Variants in GRID2 observed in about 807,000 individuals in gnomAD.
The protein encoded by GRID2 is glutamate ionotropic receptor delta type subunit 2.
GRID2 carries 33 observed loss-of-function variants against 114.8 expected under a neutral mutation model. The ratio of observed to expected loss-of-function variants is 0.29; its 90% CI spans 0.22 to 0.38. The LOEUF is 0.38. Among genes scored for constraint, GRID2 ranks in the 10% least tolerant of loss-of-function variants. The probability of loss-of-function intolerance (pLI) is 1.00; values close to 1 mark genes in which losing one functional copy is unlikely to be tolerated. For missense variants in GRID2, 1,184 were observed against 1,257.7 expected (o/e 0.94, Z 0.89); for synonymous variants, 505 against 449.9 (o/e 1.12, Z -1.55).
At chr4:92,969,871 C>A (rs752942315) in intron 2 of GRID2, among the ~76,000 whole-genome samples, 9 of 151,800 alleles carry the variant, frequency 5.9e-5, no homozygotes, top group Non-Finnish European at 1.3e-4. Flanking sequence ...GAAAGGATCA[C>A]AATAACAGTA....
At chr4:93,607,190 G>A (rs1740336495) in intron 13 of GRID2, among the ~76,000 whole-genome samples, 1 of 151,808 alleles carries the variant, frequency 6.6e-6, no homozygotes, top group Non-Finnish European at 1.5e-5. Flanking sequence ...GGAATACATA[G>A]TATTATTCCA....
At chr4:93,010,457 C>G (rs1443082841) in intron 2 of GRID2, among the ~76,000 whole-genome samples, 1 of 152,010 alleles carries the variant, frequency 6.6e-6, no homozygotes, top group Non-Finnish European at 1.5e-5. Context: ...AATGGAAGAG[C>G]TGCACTGGGG....
intron 4 of GRID2, among the ~76,000 whole-genome samples, chr4:93,177,059 T>C (rs1348210630): frequency 6.6e-6 from 1 of 152,180 alleles, no homozygotes; most frequent in East Asian, 1.9e-4. Context: ...GATGTATTTA[T>C]GGATCCAATT....
At chr4:93,703,270 GGTATATAGTAGGTGA>G (rs1478083183) in intron 14 of GRID2, among the ~76,000 whole-genome samples, 2 of 151,862 alleles carry the variant, frequency 1.3e-5, no homozygotes, top group Non-Finnish European at 2.9e-5. Flanking sequence ...AAATTTTGGG[GGTATATAGTAGGTGA>G]GTATATTTAT....
rs564747408 is a variant in GRID2 at position 92,935,807 on chromosome 4, T to G, written c.245-149188T>G. On this transcript the variant is annotated intron_variant, in intron 2 of 15. Transcript: ENST00000282020. ...AGGACAAAAAACCAAACACTGCATGTTCTCACTCATAGGTGGGAATTGAAT... is the reference window on the plus strand; with the variant it reads ...AGGACAAAAAACCAAACACTGCATGGTCTCACTCATAGGTGGGAATTGAAT... Among the ~76,000 whole-genome samples the G allele has an allele frequency of 1.3e-4, 19 of 144,270 alleles. 1 individual carries two copies. Among genetic ancestry groups the G allele is most frequent in the African/African-American group, 2.2e-4 (9 of 40,924 alleles). The allele number at this position is 144,270 out of a possible 152,430, so 94.6% of individuals were successfully genotyped here.
intron 1 of GRID2, among the ~76,000 whole-genome samples, chr4:92,548,384 A>G (rs1407111756): frequency 9.9e-6 from 1 of 101,442 alleles, no homozygotes; most frequent in African/African-American, 4.8e-5. Context: ...CTATGAAGAC[A>G]TTTCTGAGAC....
chr4:92,655,934 G>T (rs1043508700), intron 2 of GRID2, among the ~76,000 whole-genome samples: 1 of 151,546 alleles, frequency 6.6e-6, no homozygotes, highest in African/African-American at 2.4e-5. Context: ...AGACATCCTT[G>T]TCTTGTTCAA....
intron 1 of GRID2, among the ~76,000 whole-genome samples, chr4:92,367,828 A>G (rs2110212604): frequency 6.6e-6 from 1 of 152,216 alleles, no homozygotes; most frequent in South Asian, 2.1e-4. Context: ...TACTTCAGCT[A>G]CTCTGATCTC....
chr4:93,297,224 G>A (rs1253609026), intron 8 of GRID2, among the ~76,000 whole-genome samples: 2 of 152,156 alleles, frequency 1.3e-5, no homozygotes, highest in Non-Finnish European at 1.5e-5. Flanking sequence ...GGCATCAAGA[G>A]CAGTACGTGA....
In GRID2 at chr4:93,634,518, A is replaced by G. The variant is rs190298680; in HGVS notation, c.2360+8083A>G. Among the ~76,000 whole-genome samples, 12 of 152,292 alleles carry G rather than the reference A, an allele frequency of 7.9e-5. No homozygotes were observed. The South Asian group carries it at 1.0e-3, about 13-fold the overall frequency. ...GCCACAACTCTGTGCATTGCATTTC[A>G]TAAATTTGAGGAAACTGAGCCTCAG... On this transcript the variant is annotated intron_variant, in intron 14 of 15. Transcript: ENST00000282020.
intron 14 of GRID2, among the ~76,000 whole-genome samples, chr4:93,654,314 G>A (rs116397341): frequency 0.014 from 2,096 of 152,248 alleles, 38 homozygotes; most frequent in Middle Eastern, 0.017. Flanking sequence ...AAAACACTTT[G>A]CAGAGTGCAT....
rs183076893 is a variant in GRID2, at chr4:93,325,916, G to A, written c.1246-69691G>A. Among the ~76,000 whole-genome samples, 268 of 152,212 alleles carry A rather than the reference G, an allele frequency of 1.8e-3. 2 individuals are homozygous for A. The highest frequency in any genetic ancestry group is 6.0e-3 in the African/African-American group (249 of 41,544). The stretch of plus-strand genomic sequence containing the variant: ...TTTGTGGATTTATTTGAGGCCTGAA[G>A]TTGAAGTGAGTTCTCAAGAGATACA... On this transcript the variant is annotated intron_variant, in intron 8 of 15. Coordinates refer to ENST00000282020, the MANE Select transcript of GRID2 (RefSeq NM_001510.4).
intron 2 of GRID2, among the ~76,000 whole-genome samples, chr4:92,794,068 G>T (rs1739725969): frequency 6.6e-6 from 1 of 151,820 alleles, no homozygotes. Flanking sequence ...AGCAAGAGGA[G>T]TAAAAAGTAA....
chr4:92,932,409 A>G (rs1750312452), intron 2 of GRID2, among the ~76,000 whole-genome samples: 1 of 151,230 alleles, frequency 6.6e-6, no homozygotes, highest in South Asian at 2.1e-4. Context: ...TAACAATACC[A>G]AAATTTGGCA....
chr4:92,887,894 A>G (rs1746486581), intron 2 of GRID2, among the ~76,000 whole-genome samples: 1 of 152,126 alleles, frequency 6.6e-6, no homozygotes, highest in African/African-American at 2.4e-5. Context: ...GTCCTCTTTT[A>G]TACCATGTTC....
At chr4:93,567,620 T>C (rs1426252706) in intron 13 of GRID2, among the ~76,000 whole-genome samples, 2 of 152,202 alleles carry the variant, frequency 1.3e-5, no homozygotes, top group Non-Finnish European at 2.9e-5. Flanking sequence ...ATATGTGTGT[T>C]GTGTTGGGAA....
chr4:93,317,840 A>C (rs886817648), intron 8 of GRID2, among the ~76,000 whole-genome samples: 8 of 151,338 alleles, frequency 5.3e-5, no homozygotes, highest in African/African-American at 1.9e-4. Context: ...AAGAGAGGTT[A>C]TGTGTCTGTT....
At chr4:92,748,368 C>A (rs1737259344) in intron 2 of GRID2, among the ~76,000 whole-genome samples, 2 of 152,050 alleles carry the variant, frequency 1.3e-5, no homozygotes, top group Admixed American at 1.3e-4. Flanking sequence ...GCGACACCAC[C>A]ATCTCTGGTT....
intron 2 of GRID2, among the ~76,000 whole-genome samples, chr4:92,854,174 CA>C (rs1269051957): frequency 6.6e-6 from 1 of 151,772 alleles, no homozygotes; most frequent in African/African-American, 2.4e-5. Context: ...TAGCCATATG[CA>C]AAAACTCAAA....
Sources: gnomAD v4.1 joint callset for allele counts (sites outside exome capture counted in the v4.1 genomes callset) on GRCh38, gnomAD v4.1.1 for gene constraint, MANE v1.5 for transcripts, NCBI Gene and HGNC (gene_info 2026-07-23, HGNC 2026-07-21) for gene names.